PCCB: variants seen among roughly 807,000 people sequenced by gnomAD.
PCCB encodes the protein propionyl-CoA carboxylase beta chain, mitochondrial.
In PCCB, 43 loss-of-function variants were observed where a neutral mutation model predicts 60.7. The observed-to-expected ratio is 0.71, with a 90% CI of 0.55 to 0.91. The LOEUF is 0.91. PCCB is among the 40% of genes least tolerant of loss of function. PCCB has a pLI of 0.00. For synonymous variants in PCCB, 276 were observed against 255.9 expected (o/e 1.08, Z -0.75); for missense variants, 766 against 702.8 (o/e 1.09, Z -1.02).
At chr3:136,253,016 G>T (rs563562890) in intron 1 of PCCB, among the ~76,000 whole-genome samples, 4 of 150,586 alleles carry the variant, frequency 2.7e-5, no homozygotes, top group Non-Finnish European at 5.9e-5. Context: ...TTCGGGGAGG[G>T]GGGGATAGGA....
intron 5 of PCCB, among the ~76,000 whole-genome samples, chr3:136,273,536 T>C (rs77082554): frequency 0.011 from 1,663 of 151,624 alleles, 15 homozygotes; most frequent in South Asian, 0.036. Flanking sequence ...TATCTTTTTG[T>C]TGGATTGTTC....
intron 5 of PCCB, among the ~76,000 whole-genome samples, chr3:136,282,456 G>A (rs1942505584): frequency 6.6e-6 from 1 of 152,008 alleles, no homozygotes; most frequent in Admixed American, 6.6e-5. Flanking sequence ...TTTTTTAGCT[G>A]TATTTTTTGA....
rs766871663 is a variant in PCCB, at chr3:136,260,236, G to A, written c.373-243G>A. On this transcript the variant is annotated intron_variant, in intron 3 of 14. Transcript: ENST00000251654. ...TTCCAGGCATGTGCCACCATGCGCA[G>A]CTAACTTTTTTCTATATTTTTTGCA... The A allele has an allele frequency of 4.8e-5, 27 of 557,910 alleles. No individual in the cohort carries two copies. In the South Asian group the frequency reaches 5.1e-4, roughly 11 times the overall value. The allele number at this position is 557,910 out of a possible 1,614,324, so 34.6% of individuals were successfully genotyped here. A position where few individuals can be genotyped will look rare whatever the true frequency, so the allele number is the denominator to read the frequency against.
intron 14 of PCCB, 106 bp from the exon 15 acceptor site, chr3:136,329,799 G>A: frequency 1.6e-6 from 2 of 1,261,060 alleles, no homozygotes; most frequent in Non-Finnish European, 2.3e-6. Context: ...GTTGGGCACT[G>A]CTTATACTGC....
At chr3:136,310,539 G>A (rs1201014883) in intron 9 of PCCB, among the ~76,000 whole-genome samples, 1 of 152,104 alleles carries the variant, frequency 6.6e-6, no homozygotes, top group African/African-American at 2.4e-5. Context: ...CAAACACCAG[G>A]CCCAAATAGT....
intron 1 of PCCB, 54 bp downstream of exon 1, chr3:136,250,612 C>G: frequency 6.5e-7 from 1 of 1,538,114 alleles, no homozygotes; most frequent in Non-Finnish European, 8.8e-7. Context: ...CGACCTATCA[C>G]TGCGTGCCCG....
At chr3:136,266,993 G>A (rs369600726) in intron 5 of PCCB, among the ~76,000 whole-genome samples, 16 of 151,716 alleles carry the variant, frequency 1.1e-4, no homozygotes, top group East Asian at 7.8e-4. Flanking sequence ...AGTGATTCTC[G>A]TGCCTCAGTC....
Position 136,305,255 on chromosome 3 carries a change from T to G in PCCB, c.966+4144T>G, listed in dbSNP as rs549068997. Among the ~76,000 whole-genome samples, 152 of 118,338 alleles carry G rather than the reference T, an allele frequency of 1.3e-3. 14 individuals are homozygous for G. Among genetic ancestry groups the G allele is most frequent in the African/African-American group, 3.7e-3 (145 of 39,384 alleles). 77.6% of individuals were successfully genotyped at this position (118,338 alleles called of 152,430 possible). On this transcript the variant is annotated intron_variant, in intron 9 of 14. Transcript: ENST00000251654. ...GATTACAGGTGTGTGCCACCATGCC[T>G]GGCTAATTTTTGTATTTTTAGAGAT...
intron 1 of PCCB, chr3:136,251,270 G>C (rs947973688): frequency 4.4e-6 from 2 of 456,576 alleles, no homozygotes; most frequent in African/African-American, 4.0e-5. Flanking sequence ...TCAGAGATAA[G>C]CTGGGCGGCC....
At chr3:136,259,169 A>T in intron 3 of PCCB, 1 of 1,463,520 alleles carries the variant, frequency 6.8e-7, no homozygotes, top group Non-Finnish European at 9.0e-7. Context: ...CTTTCTTTTT[A>T]AAACAGCAAA....
Position 136,252,662 on chromosome 3 carries a change from A to ATT in PCCB, c.183+2124_183+2125dup, listed in dbSNP as rs962722858. Reference sequence around the variant, plus strand: ...TCCACTTCAGCCTCCTACCCAGCTAATTTTTTTTTTTTTTTTTTTTTGGTA... The same window carrying ATT: ...TCCACTTCAGCCTCCTACCCAGCTAATTTTTTTTTTTTTTTTTTTTTTTGGTA... On this transcript the variant is annotated intron_variant, in intron 1 of 14. Transcript: ENST00000251654. Among the ~76,000 whole-genome samples the ATT allele has an allele frequency of 1.6e-3, 191 of 120,892 alleles. 2 individuals carry two copies. The highest frequency in any genetic ancestry group is 5.1e-3 in the African/African-American group (158 of 30,868). The allele number at this position is 120,892 out of a possible 152,430, so 79.3% of individuals were successfully genotyped here.
At chr3:136,260,054 C>T in intron 3 of PCCB, 1 of 259,992 alleles carries the variant, frequency 3.8e-6, no homozygotes, top group Non-Finnish European at 7.3e-6. Flanking sequence ...GCCCGGGCAA[C>T]TTTTTTTGTT....
At chr3:136,309,582 T>C (rs1934582001) in intron 9 of PCCB, among the ~76,000 whole-genome samples, 1 of 151,800 alleles carries the variant, frequency 6.6e-6, no homozygotes, top group Non-Finnish European at 1.5e-5. Flanking sequence ...GGAGGATCGC[T>C]TGAAGCCAGG....
intron 9 of PCCB, among the ~76,000 whole-genome samples, chr3:136,315,260 G>A (rs770549126): frequency 6.6e-5 from 10 of 152,150 alleles, no homozygotes; most frequent in South Asian, 2.1e-4. Context: ...AATAGTGGCC[G>A]GGCGCGGTGG....
rs773188075 is a variant in PCCB at position 136,330,030 on chromosome 3, A to G, written c.*4A>G. The G allele has an allele frequency of 3.7e-5, 59 of 1,613,972 alleles. No homozygotes were observed. Among genetic ancestry groups the G allele is most frequent in the Non-Finnish European group, 4.7e-5 (55 of 1,179,968 alleles). On this transcript the variant is annotated 3_prime_UTR_variant, in exon 15 of 15. Coordinates refer to ENST00000251654, the MANE Select transcript of PCCB (RefSeq NM_000532.5). ...ACATGCAAATATTCCATTGTAAACA[A>G]ATCAAAGGAAAAGAAACCAAGAACT...
intron 6 of PCCB, among the ~76,000 whole-genome samples, chr3:136,284,891 A>G (rs1933309149): frequency 6.6e-6 from 1 of 152,056 alleles, no homozygotes; most frequent in African/African-American, 2.4e-5. Flanking sequence ...GTTTTAGACC[A>G]GCCTAGGCAA....
chr3:136,268,084 G>GTAGATA (rs869183040), intron 5 of PCCB, among the ~76,000 whole-genome samples: 71 of 60,926 alleles, frequency 1.2e-3, no homozygotes, highest in African/African-American at 5.3e-3. Flanking sequence ...GTGTGTGTGT[G>GTAGATA]TAGATATATA....
rs1440103685 is a variant in PCCB, at chr3:136,306,224, A to G, written c.966+5113A>G. ...GGAACTCCCTTCACTGTAAAAGTCA[A>G]TCATGAAGCAGCTGACTATGCTTCA... is the stretch of plus-strand genomic sequence containing the variant. On this transcript the variant is annotated intron_variant, in intron 9 of 14. Transcript: ENST00000251654. 2.2e-4 allele frequency among the ~76,000 whole-genome samples: 27 copies of G among 123,294 alleles called. 3 individuals are homozygous for G. The highest frequency in any genetic ancestry group is 6.7e-4 in the African/African-American group (27 of 40,260). 80.9% of individuals were successfully genotyped at this position (123,294 alleles called of 152,430 possible). A position where few individuals can be genotyped will look rare whatever the true frequency, so the allele number is the denominator to read the frequency against.
intron 5 of PCCB, among the ~76,000 whole-genome samples, chr3:136,279,586 G>A (rs933217715): frequency 6.6e-6 from 1 of 152,038 alleles, no homozygotes; most frequent in Non-Finnish European, 1.5e-5. Context: ...TGTTGTTATT[G>A]TCATAGATTA....
Sources: gnomAD v4.1 joint callset for allele counts (sites outside exome capture counted in the v4.1 genomes callset) on GRCh38, gnomAD v4.1.1 for gene constraint, MANE v1.5 for transcripts, NCBI Gene and HGNC (gene_info 2026-07-23, HGNC 2026-07-21) for gene names.